HELQ: variants seen among roughly 807,000 people sequenced by gnomAD.
HELQ encodes the protein helicase POLQ-like.
HELQ carries 77 observed loss-of-function variants against 111.6 expected under a neutral mutation model. The ratio of observed to expected loss-of-function variants is 0.69; its 90% CI spans 0.57 to 0.83. The LOEUF (loss-of-function observed/expected upper bound fraction) is 0.83. Ranked by LOEUF, HELQ falls within the 40% of genes least tolerant of loss-of-function variation. The pLI is 0.00. For synonymous variants in HELQ, 438 were observed against 454.7 expected, an observed-to-expected ratio of 0.96 and a Z score of 0.47; for missense variants, 1,200 against 1,288.5, an observed-to-expected ratio of 0.93 and a Z score of 1.05.
chr4:83,446,218 C>T (rs1490153417), intron 4 of HELQ, 132 bp from the exon 5 acceptor site: 5 of 620,822 alleles, frequency 8.1e-6, no homozygotes, highest in East Asian at 2.8e-5. Flanking sequence ...AATATAACAA[C>T]TATAATACAT....
At chr4:83,430,158 A>G (rs905194732) in intron 11 of HELQ, among the ~76,000 whole-genome samples, 1 of 138,280 alleles carries the variant, frequency 7.2e-6, no homozygotes, top group African/African-American at 3.0e-5. Flanking sequence ...AGTTGCATTA[A>G]AAAAAAAAAA....
chr4:83,418,269 T>A (rs1362607247), intron 15 of HELQ, 63 bp from the exon 16 acceptor site: 1 of 877,632 alleles, frequency 1.1e-6, no homozygotes, highest in Admixed American at 2.2e-5. Flanking sequence ...GTTTGGTTTG[T>A]GTGATAGGGG....
At chr4:83,419,415 T>C (rs543006547) in intron 15 of HELQ, among the ~76,000 whole-genome samples, 3 of 149,842 alleles carry the variant, frequency 2.0e-5, no homozygotes, top group South Asian at 2.1e-4. Flanking sequence ...CCTGCCTCTA[T>C]TGATAATAAT....
Position 83,455,637 on chromosome 4 carries a change from A to G in HELQ, c.57T>C (p.Arg19=). The G allele has an allele frequency of 4.3e-6, 7 of 1,613,590 alleles. No individual in the cohort carries two copies. The South Asian group carries it at 7.7e-5, about 18-fold the overall frequency. Reference sequence around the variant, plus strand: ...CGCCAAAAATACACCCCAAGCTTGGACGGTTCCTTTTGGGGAGAGACACCC... The same window carrying G: ...CGCCAAAAATACACCCCAAGCTTGGGCGGTTCCTTTTGGGGAGAGACACCC... ...RRRVSLPKRN[R]PSLGCIFGAP... The change falls in exon 1 of 18, where the codon CGT becomes CGC. Residue 19 remains arginine (R), a synonymous_variant. Coordinates refer to ENST00000295488, the MANE Select transcript of HELQ (RefSeq NM_133636.5).
rs1311745186 is a variant in HELQ at position 83,453,379 on chromosome 4, T to C, written c.864A>G (p.Lys288=). 1.2e-6 allele frequency: 2 copies of C among 1,607,464 alleles called. No individual in the cohort carries two copies. The highest frequency in any genetic ancestry group is 3.5e-5 in the Admixed American group (2 of 57,910). Residue 288 remains lysine (K), a synonymous_variant, in exon 2 of 18, where the codon AAA becomes AAG. Transcript: ENST00000295488. ...CAGATAGGAGAGTGTCTTTGAGCTG[T>C]TTACTTCTAGAAAATATTGGTGTCT... The part of the protein sequence containing the change: ...KAQTPIFSRS[K]QLKDTLLSEE...
At position 83,439,887 on chromosome 4, in the gene HELQ, T is replaced by C; in HGVS notation, c.1784A>G (p.Glu595Gly). 6.3e-7 allele frequency: 1 copy of C among 1,592,406 alleles called. No individual in the cohort carries two copies. Among genetic ancestry groups the C allele is most frequent in the Non-Finnish European group, 8.6e-7 (1 of 1,164,640 alleles). The change falls in exon 8 of 18, where the codon GAA becomes GGA. Residue 595 changes from glutamate (E) to glycine (G), a missense_variant. By Grantham distance (98) the Glu-to-Gly change is moderately conservative. Transcript: ENST00000295488. ...PSKKNCENVA[E>G]MICKFLSKEY... ...CTTGCTTAAAAATTTGCATATCATT[T>C]CTGCTACATTTTCACAGTTCTTCTT...
At chr4:83,450,222 TAAAAAAAAAAAAAAA>T (rs71668650) in intron 2 of HELQ, among the ~76,000 whole-genome samples, 16 of 45,606 alleles carry the variant, frequency 3.5e-4, no homozygotes, top group East Asian at 1.1e-3. Flanking sequence ...CAGTTAAGTT[TAAAAAAAAAAAAAAA>T]AAAAAAAAAA....
chr4:83,445,573 C>T (rs909946107), intron 5 of HELQ, among the ~76,000 whole-genome samples: 4 of 152,012 alleles, frequency 2.6e-5, no homozygotes, highest in South Asian at 2.1e-4. Flanking sequence ...TATCGCTTTA[C>T]AATATTATTA....
At chr4:83,435,522 G>A (rs1178481202) in intron 9 of HELQ, among the ~76,000 whole-genome samples, 3 of 151,542 alleles carry the variant, frequency 2.0e-5, no homozygotes, top group Non-Finnish European at 4.4e-5. Flanking sequence ...GAGTCAAAAT[G>A]TTTTACCCCC....
At chr4:83,445,824 T>C (rs1258601970) in intron 5 of HELQ, among the ~76,000 whole-genome samples, 190 bp downstream of exon 5, 5 of 152,248 alleles carry the variant, frequency 3.3e-5, no homozygotes, top group African/African-American at 7.2e-5. Context: ...TGGCGGATAA[T>C]AATAGAGGAC....
At chr4:83,450,357 T>A (rs1721291007) in intron 2 of HELQ, among the ~76,000 whole-genome samples, 1 of 143,884 alleles carries the variant, frequency 7.0e-6, no homozygotes, top group Non-Finnish European at 1.5e-5. Context: ...GATGAGCCCA[T>A]CTCTATTAAA....
At chr4:83,423,874 G>A (rs1719686158) in intron 14 of HELQ, among the ~76,000 whole-genome samples, 2 of 151,884 alleles carry the variant, frequency 1.3e-5, no homozygotes, top group South Asian at 4.1e-4. Context: ...TCGTGCCATT[G>A]CACTGCAGCC....
chr4:83,418,068 A>T, intron 16 of HELQ, 25 bp downstream of exon 16: 1 of 1,293,678 alleles, frequency 7.7e-7, no homozygotes, highest in Non-Finnish European at 1.1e-6. Flanking sequence ...CATAATTTCA[A>T]TTGGGAAACC....
At chr4:83,428,763 G>T (rs982862933) in intron 12 of HELQ, among the ~76,000 whole-genome samples, 1 of 151,900 alleles carries the variant, frequency 6.6e-6, no homozygotes, top group Non-Finnish European at 1.5e-5. Flanking sequence ...CAAACATAGC[G>T]AGATTTTGCC....
In HELQ at chr4:83,451,667, A is replaced by AC. The variant is rs1262337857; in HGVS notation, c.1012+1563_1012+1564insG. On this transcript the variant is annotated intron_variant, in intron 2 of 17. Coordinates refer to ENST00000295488, the MANE Select transcript of HELQ (RefSeq NM_133636.5). ...GCAACACGCGAGACTCCGTCTCAAA[A>AC]AAAAACAAAAAAACAAAAACAAAAA... 5.0e-4 allele frequency among the ~76,000 whole-genome samples: 75 copies of AC among 150,616 alleles called. 2 individuals carry two copies. Among genetic ancestry groups the AC allele is most frequent in the African/African-American group, 1.5e-3 (58 of 39,870 alleles).
intron 15 of HELQ, among the ~76,000 whole-genome samples, chr4:83,420,151 G>C (rs1478307711): frequency 6.6e-6 from 1 of 152,136 alleles, no homozygotes; most frequent in African/African-American, 2.4e-5. Flanking sequence ...GTAAAAGCCT[G>C]GTAAGCTTTA....
chr4:83,454,645 G>T (rs1313549354), intron 1 of HELQ, among the ~76,000 whole-genome samples: 8 of 149,992 alleles, frequency 5.3e-5, no homozygotes, highest in African/African-American at 1.7e-4. Flanking sequence ...GGTTTTGAAC[G>T]CGAACTTCTG....
At chr4:83,430,965 T>A (rs1009210607) in intron 11 of HELQ, among the ~76,000 whole-genome samples, 3 of 152,154 alleles carry the variant, frequency 2.0e-5, no homozygotes, top group Non-Finnish European at 4.4e-5. Context: ...CTGAAAAAGT[T>A]TTTGACATAG....
At position 83,407,535 on chromosome 4, in the gene HELQ, G is replaced by C. The variant is rs1032846697; in HGVS notation, c.3224C>G (p.Ala1075Gly). 6.2e-7 allele frequency: 1 copy of C among 1,611,216 alleles called. No individual in the cohort carries two copies. Among genetic ancestry groups the C allele is most frequent in the African/African-American group, 1.3e-5 (1 of 74,894 alleles). ...TAACTCTTCTACCTCTTCTTGCAGG[G>C]CTTCTGCTTTTTCATGCAACAGCAT... ...AKMLLHEKAE[A>G]LQEEVEELLR... The change falls in exon 18 of 18, where the codon GCC becomes GGC. Residue 1075 changes from alanine to glycine, a missense_variant. This residue lies in a region of HELQ where 585 missense variants were observed against 665.3 expected (regional missense o/e 0.88). Transcript: ENST00000295488.
Sources: allele counts gnomAD v4.1 joint callset (sites outside exome capture counted in the v4.1 genomes callset), GRCh38; gene constraint gnomAD v4.1.1; regional missense constraint gnomAD v4.1.1; transcripts MANE v1.5; gene names NCBI Gene and HGNC (gene_info 2026-07-23, HGNC 2026-07-21).